The following ZC3H12B variants were observed in gnomAD, a reference collection of about 807,000 sequenced individuals.
The protein encoded by ZC3H12B is zinc finger CCCH-type containing 12B.
In ZC3H12B, 7 loss-of-function variants were observed where a neutral mutation model predicts 43.9. The observed-to-expected ratio is 0.16, with a 90% CI of 0.09 to 0.30. ZC3H12B has a LOEUF of 0.30. ZC3H12B is among the 10% of genes least tolerant of loss of function. ZC3H12B has a pLI of 1.00. For missense variants in ZC3H12B, 475 were observed against 670.2 expected, an observed-to-expected ratio of 0.71 and a Z score of 3.22; for synonymous variants, 222 against 241.7, an observed-to-expected ratio of 0.92 and a Z score of 0.76.
chrX:65,329,030 G>A, the ZC3H12B span, among the ~76,000 whole-genome samples: 2 of 110,696 alleles, frequency 1.8e-5, no homozygotes, highest in Non-Finnish European at 3.8e-5. Context: ...TGTCTTTATA[G>A]CAGCATGATT....
At chrX:65,304,623 A>C in the ZC3H12B span, among the ~76,000 whole-genome samples, 78 of 110,462 alleles carry the variant, frequency 7.1e-4, no homozygotes, top group African/African-American at 2.3e-3. Context: ...CTCAAAAAAA[A>C]AAAAAACAAA....
At chrX:65,230,967 A>C in the ZC3H12B span, among the ~76,000 whole-genome samples, 2 of 112,334 alleles carry the variant, frequency 1.8e-5, no homozygotes, top group East Asian at 5.5e-4. Context: ...TTGAGATAAT[A>C]ACTTTAACAA....
the ZC3H12B span, among the ~76,000 whole-genome samples, chrX:65,291,641 G>T: frequency 2.7e-5 from 3 of 111,804 alleles, no homozygotes; most frequent in African/African-American, 9.7e-5. Flanking sequence ...TAAGGAGTGG[G>T]TGCTGGTGAG....
At chrX:65,356,404 C>T in the ZC3H12B span, among the ~76,000 whole-genome samples, 2 of 111,728 alleles carry the variant, frequency 1.8e-5, no homozygotes, top group African/African-American at 6.5e-5. Context: ...CCTAAGCACA[C>T]AAAAATGTAA....
the ZC3H12B span, among the ~76,000 whole-genome samples, chrX:65,149,132 C>A: frequency 9.0e-6 from 1 of 111,273 alleles, no homozygotes; most frequent in Non-Finnish European, 1.9e-5. Flanking sequence ...GTCTCAGGCC[C>A]CCAGGGTATC....
the ZC3H12B span, among the ~76,000 whole-genome samples, chrX:65,055,668 G>A: frequency 9.0e-6 from 1 of 111,694 alleles, no homozygotes; most frequent in Non-Finnish European, 1.9e-5. Context: ...AATGGTACCA[G>A]TTCCTCCTTG....
the ZC3H12B span, among the ~76,000 whole-genome samples, chrX:65,137,000 G>GA: frequency 1.1e-4 from 12 of 111,016 alleles, no homozygotes; most frequent in Admixed American, 2.9e-4. Context: ...AATTCCTCTG[G>GA]AAAAAATACT....
At chrX:65,089,334 A>G in the ZC3H12B span, among the ~76,000 whole-genome samples, 3 of 111,942 alleles carry the variant, frequency 2.7e-5, no homozygotes, top group African/African-American at 6.5e-5. Context: ...TCTGAATACT[A>G]TAGGCAAATG....
chrX:65,166,167 G>GTA, the ZC3H12B span, among the ~76,000 whole-genome samples: 3 of 110,671 alleles, frequency 2.7e-5, no homozygotes, highest in Admixed American at 1.9e-4. Context: ...TTTACATTAG[G>GTA]TATATCTCCT....
At chrX:65,177,399 T>A in the ZC3H12B span, among the ~76,000 whole-genome samples, 1 of 111,981 alleles carries the variant, frequency 8.9e-6, no homozygotes, top group African/African-American at 3.2e-5. Flanking sequence ...ACAACTCCTA[T>A]TCAACATAGT....
intron 3 of ZC3H12B, among the ~76,000 whole-genome samples, chrX:65,476,832 AT>A (rs375353483): frequency 0.018 from 1,733 of 96,640 alleles, 35 homozygotes; most frequent in African/African-American, 0.051. Flanking sequence ...GCTGACTGGA[AT>A]TTTTTTTTTT....
chrX:65,120,407 C>G, the ZC3H12B span, among the ~76,000 whole-genome samples: 10 of 111,387 alleles, frequency 9.0e-5, no homozygotes, highest in Admixed American at 8.6e-4. Flanking sequence ...CTCTTTGAAG[C>G]AATTGTGAAT....
chrX:65,176,545 A>C, the ZC3H12B span, among the ~76,000 whole-genome samples: 4 of 111,727 alleles, frequency 3.6e-5, no homozygotes, highest in East Asian at 1.1e-3. Flanking sequence ...GCTAAGGGAC[A>C]GACTGCTTTC....
the ZC3H12B span, among the ~76,000 whole-genome samples, chrX:65,218,199 C>A: frequency 1.8e-5 from 2 of 112,237 alleles, no homozygotes; most frequent in African/African-American, 6.5e-5. Context: ...AGATAAGAGG[C>A]AGGGCTAACT....
the ZC3H12B span, among the ~76,000 whole-genome samples, chrX:65,140,815 G>A: frequency 9.0e-6 from 1 of 111,212 alleles, no homozygotes; most frequent in Non-Finnish European, 1.9e-5. Flanking sequence ...TATGCATCTA[G>A]GAATTTTCCT....
intron 3 of ZC3H12B, among the ~76,000 whole-genome samples, chrX:65,424,174 T>C (rs1201467558): frequency 8.9e-6 from 1 of 112,153 alleles, no homozygotes; most frequent in Non-Finnish European, 1.9e-5. Context: ...TAATGTGAGA[T>C]GGTATCTCAT....
At chrX:65,388,930 C>T (rs1171702580) in intron 2 of ZC3H12B, among the ~76,000 whole-genome samples, 1 of 111,798 alleles carries the variant, frequency 8.9e-6, no homozygotes, top group African/African-American at 3.3e-5. Context: ...TGGGTATCAG[C>T]AGTGGAGGCT....
chrX:65,457,234 C>A (rs1360456419), intron 3 of ZC3H12B, among the ~76,000 whole-genome samples: 1 of 32,921 alleles, frequency 3.0e-5, no homozygotes. Context: ...AGTGAGGAGC[C>A]CCTCCGTCCG....
intron 2 of ZC3H12B, among the ~76,000 whole-genome samples, chrX:65,372,589 G>A (rs1396152510): frequency 9.4e-6 from 1 of 105,962 alleles, no homozygotes; most frequent in Non-Finnish European, 2.0e-5. Context: ...AGAAAGGAAG[G>A]GAGGGAAGAA....
Sources: gnomAD v4.1 joint callset for allele counts (sites outside exome capture counted in the v4.1 genomes callset) on GRCh38, gnomAD v4.1.1 for gene constraint, MANE v1.5 for transcripts, NCBI Gene and HGNC (gene_info 2026-07-23, HGNC 2026-07-21) for gene names.